ADIPOR2: variants seen among roughly 807,000 people sequenced by gnomAD.
The protein encoded by ADIPOR2 is adiponectin receptor protein 2.
ADIPOR2 carries 18 observed loss-of-function variants against 40.9 expected under a neutral mutation model. The ratio of observed to expected loss-of-function variants is 0.44; its 90% CI spans 0.30 to 0.65. The LOEUF is 0.65. Among genes scored for constraint, ADIPOR2 ranks in the 30% least tolerant of loss-of-function variants. The pLI is 0.09. For synonymous variants in ADIPOR2, 165 were observed against 166.4 expected, an observed-to-expected ratio of 0.99 and a Z score of 0.06; for missense variants, 283 against 479.2, an observed-to-expected ratio of 0.59 and a Z score of 3.82.
chr12:1,734,706 G>T (rs1332838976), intron 1 of ADIPOR2, among the ~76,000 whole-genome samples: 1 of 152,104 alleles, frequency 6.6e-6, no homozygotes, highest in Non-Finnish European at 1.5e-5. Context: ...GTATTACCTA[G>T]GTTTTCTTCT....
chr12:1,743,239 A>AAAAAAAC (rs1555169146), intron 1 of ADIPOR2, among the ~76,000 whole-genome samples: 1 of 132,024 alleles, frequency 7.6e-6, no homozygotes, highest in Non-Finnish European at 1.7e-5. Context: ...CAAAAAAAAA[A>AAAAAAAC]AAAAAAACAA....
chr12:1,786,242 C>A lies in ADIPOR2; in HGVS notation c.*170C>A, dbSNP rs1436878703. The A allele has an allele frequency of 6.4e-6, 5 of 775,258 alleles. No homozygotes were observed. The highest frequency in any genetic ancestry group is 7.8e-6 in the Non-Finnish European group (4 of 513,568). 48.0% of individuals were successfully genotyped at this position (775,258 alleles called of 1,614,324 possible). On this transcript the variant is annotated 3_prime_UTR_variant, in exon 8 of 8. Coordinates refer to ENST00000357103, the MANE Select transcript of ADIPOR2 (RefSeq NM_024551.3). ...TGGTACATGACTGAGAAGAGAAAAA[C>A]AAAAATAAATCATACCTCAAAGGAT...
intron 1 of ADIPOR2, among the ~76,000 whole-genome samples, chr12:1,704,401 ACTTT>A (rs762478551): frequency 5.3e-4 from 80 of 152,184 alleles, no homozygotes; most frequent in Middle Eastern, 3.2e-3. Flanking sequence ...ATTAGATTGC[ACTTT>A]CTTTCTTCTC....
Position 1,754,362 on chromosome 12 carries a change from A to G in ADIPOR2, c.19A>G (p.Asn7Asp). MNEPTE[N>D]RLGCSRTPEP... ...GTATCCCATGAACGAGCCAACAGAA[A>G]ACCGATTGGGGTGCAGCAGGACTCC... The change falls in exon 2 of 8, where the codon AAC becomes GAC. Residue 7 changes from asparagine (N) to aspartate (D), a missense_variant. By Grantham distance (23) the Asn-to-Asp change is conservative. Around this residue, in one of 3 missense-constraint regions of ADIPOR2, gnomAD observed 65 missense variants for 79.9 expected, o/e 0.81. Transcript: ENST00000357103. 1.9e-6 allele frequency: 3 copies of G among 1,607,812 alleles called. No homozygotes were observed. The highest frequency in any genetic ancestry group is 2.5e-6 in the Non-Finnish European group (3 of 1,177,580).
intron 1 of ADIPOR2, among the ~76,000 whole-genome samples, chr12:1,746,979 G>T (rs2094756502): frequency 6.6e-6 from 1 of 151,972 alleles, no homozygotes; most frequent in Non-Finnish European, 1.5e-5. Flanking sequence ...AGGTTGCAAT[G>T]AACTGTGATC....
At chr12:1,768,023 T>TCAGA (rs1862420298) in intron 2 of ADIPOR2, among the ~76,000 whole-genome samples, 1 of 152,212 alleles carries the variant, frequency 6.6e-6, no homozygotes, top group Admixed American at 6.5e-5. Flanking sequence ...AATAATAAAG[T>TCAGA]TCTGTTGATA....
At chr12:1,701,081 T>C (rs1331504866) in intron 1 of ADIPOR2, among the ~76,000 whole-genome samples, 2 of 152,026 alleles carry the variant, frequency 1.3e-5, no homozygotes, top group African/African-American at 2.4e-5. Flanking sequence ...GATTACAGTT[T>C]ACTTTCTTCC....
intron 1 of ADIPOR2, among the ~76,000 whole-genome samples, chr12:1,704,015 GTTTT>G (rs772767475): frequency 3.7e-5 from 2 of 54,526 alleles, no homozygotes; most frequent in African/African-American, 1.2e-4. Flanking sequence ...GCCCCCACCA[GTTTT>G]TTTTTTTTTT....
chr12:1,780,435 G>T lies in ADIPOR2; in HGVS notation c.464-16G>T. ...AAGGGTGATATTTTATCTATTTTCTGTGCTCTTTTTCCTAGGTTGTGTATT... is the reference window on the plus strand; with the variant it reads ...AAGGGTGATATTTTATCTATTTTCTTTGCTCTTTTTCCTAGGTTGTGTATT... On this transcript the variant is annotated splice_polypyrimidine_tract_variant and intron_variant, in intron 4 of 7. Coordinates refer to ENST00000357103, the MANE Select transcript of ADIPOR2 (RefSeq NM_024551.3). 6.3e-7 allele frequency: 1 copy of T among 1,580,562 alleles called. No homozygotes were observed. The highest frequency in any genetic ancestry group is 8.6e-7 in the Non-Finnish European group (1 of 1,166,202).
At chr12:1,780,671 G>A (rs953529863) in intron 5 of ADIPOR2, 34 bp downstream of exon 5, 2 of 1,512,524 alleles carry the variant, frequency 1.3e-6, no homozygotes, top group Admixed American at 2.3e-5. Flanking sequence ...TTTGGCCAAT[G>A]ATTTAGAGGT....
At chr12:1,758,962 A>G (rs1266666998) in intron 2 of ADIPOR2, among the ~76,000 whole-genome samples, 3 of 152,264 alleles carry the variant, frequency 2.0e-5, no homozygotes, top group Non-Finnish European at 4.4e-5. Flanking sequence ...CCAAGGTAAC[A>G]TGACAAGATG....
rs748514165 is a variant in ADIPOR2 at position 1,785,934 on chromosome 12, T to TC, written c.1033-6dup. 7 of 1,613,722 alleles carry TC rather than the reference T, an allele frequency of 4.3e-6. No homozygotes were observed. Among genetic ancestry groups the TC allele is most frequent in the African/African-American group, 1.3e-5 (1 of 74,934 alleles). On this transcript the variant is annotated splice_polypyrimidine_tract_variant and intron_variant, in intron 7 of 7. Transcript: ENST00000357103. ...TTCTCTACCCCCTTCTCTTCTTTTT[T>TC]CCCCTCCAGTTTCACTCTCATCAGC...
chr12:1,700,647 G>A (rs2094648242), intron 1 of ADIPOR2, among the ~76,000 whole-genome samples: 1 of 152,156 alleles, frequency 6.6e-6, no homozygotes, highest in African/African-American at 2.4e-5. Context: ...GGGTAAAAAT[G>A]GAAGTATGGT....
chr12:1,749,480 A>G (rs34091406), intron 1 of ADIPOR2, among the ~76,000 whole-genome samples: 21,352 of 152,222 alleles, frequency 0.14, 1,633 homozygotes, highest in Admixed American at 0.24. Flanking sequence ...GAACCATGGA[A>G]GAAGACCAAT....
intron 3 of ADIPOR2, among the ~76,000 whole-genome samples, chr12:1,773,851 T>C (rs1862535478): frequency 6.6e-6 from 1 of 152,208 alleles, no homozygotes; most frequent in Non-Finnish European, 1.5e-5. Flanking sequence ...ACAATAATGC[T>C]GGAAATAATT....
chr12:1,740,495 G>GC (rs56705398), intron 1 of ADIPOR2, among the ~76,000 whole-genome samples: 9 of 152,042 alleles, frequency 5.9e-5, no homozygotes, highest in East Asian at 5.8e-4. Flanking sequence ...AGTGGATTAG[G>GC]CCCCCCCACC....
intron 1 of ADIPOR2, among the ~76,000 whole-genome samples, chr12:1,740,375 A>G (rs540801418): frequency 6.6e-6 from 1 of 152,212 alleles, no homozygotes; most frequent in African/African-American, 2.4e-5. Flanking sequence ...GGTTTCTCCT[A>G]TCACCCCTCT....
At chr12:1,752,070 GCTAATTTTTTGTATTTTTAGTAGAGA>G (rs1393712079) in intron 1 of ADIPOR2, among the ~76,000 whole-genome samples, 10 of 151,402 alleles carry the variant, frequency 6.6e-5, no homozygotes, top group African/African-American at 9.7e-5. Flanking sequence ...ACCACACCCA[GCTAATTTTTTGTATTTTTAGTAGAGA>G]CTAATTTTTT....
intron 1 of ADIPOR2, among the ~76,000 whole-genome samples, chr12:1,695,668 A>AAAT (rs1219902050): frequency 6.6e-6 from 1 of 151,500 alleles, no homozygotes; most frequent in East Asian, 1.9e-4. Flanking sequence ...CATCTCAAAA[A>AAAT]AAAAAAAAAA....
Sources: gnomAD v4.1 joint callset for allele counts (sites outside exome capture counted in the v4.1 genomes callset) on GRCh38, gnomAD v4.1.1 for gene constraint, gnomAD v4.1.1 regional missense constraint, MANE v1.5 for transcripts, NCBI Gene and HGNC (gene_info 2026-07-23, HGNC 2026-07-21) for gene names.